ZBTB20: variants seen among roughly 807,000 people sequenced by gnomAD.
The protein encoded by ZBTB20 is zinc finger and BTB domain-containing protein 20.
ZBTB20 carries 9 observed loss-of-function variants against 56.9 expected under a neutral mutation model. That is an observed-to-expected ratio of 0.16 (90% CI 0.10 to 0.28). The LOEUF is 0.28. Ranked by LOEUF, ZBTB20 falls within the 10% of genes least tolerant of loss-of-function variation. ZBTB20 has a pLI of 1.00. For missense variants in ZBTB20, 655 were observed against 1,003.0 expected (o/e 0.65, Z 4.69); for synonymous variants, 417 against 420.7 (o/e 0.99, Z 0.11).
intron 6 of ZBTB20, among the ~76,000 whole-genome samples, chr3:114,643,873 A>G (rs2059692054): frequency 6.6e-6 from 1 of 152,004 alleles, no homozygotes; most frequent in African/African-American, 2.4e-5. Context: ...TTTTGCCCGT[A>G]CCTCTCCTTG....
At position 115,140,698 on chromosome 3, in the gene ZBTB20, A is replaced by C. The variant is rs72947710; in HGVS notation, c.-703+6521T>G. 5.9e-3 allele frequency among the ~76,000 whole-genome samples: 895 copies of C among 152,282 alleles called. 12 individuals carry two copies. The highest frequency in any genetic ancestry group is 0.021 in the African/African-American group (866 of 41,576). ...ATTTCTGATAATTTATAAAGCAGTG[A>C]AATACAAATACATTTCTAGAAACTT... On this transcript the variant is annotated intron_variant, in intron 1 of 11. Coordinates refer to ENST00000675478, the MANE Select transcript of ZBTB20 (RefSeq NM_001348800.3).
intron 2 of ZBTB20, among the ~76,000 whole-genome samples, chr3:115,057,911 T>C (rs1209980979): frequency 1.3e-5 from 2 of 152,128 alleles, no homozygotes; most frequent in Admixed American, 1.3e-4. Flanking sequence ...TTTAATTGAC[T>C]CACAGTTCAG....
chr3:115,089,337 A>C (rs1365226981), intron 1 of ZBTB20, among the ~76,000 whole-genome samples: 1 of 151,848 alleles, frequency 6.6e-6, no homozygotes, highest in East Asian at 1.9e-4. Flanking sequence ...ACTTCATAGC[A>C]AAGGCATGGT....
At chr3:114,425,870 A>T (rs1217078844) in intron 7 of ZBTB20, among the ~76,000 whole-genome samples, 1 of 152,230 alleles carries the variant, frequency 6.6e-6, no homozygotes, top group African/African-American at 2.4e-5. Flanking sequence ...CCACAGTCTA[A>T]TATATCCAAT....
At chr3:114,477,157 A>C (rs2040873539) in intron 7 of ZBTB20, among the ~76,000 whole-genome samples, 1 of 152,222 alleles carries the variant, frequency 6.6e-6, no homozygotes, top group Non-Finnish European at 1.5e-5. Flanking sequence ...TGAAAAACAT[A>C]CCTGAAATAA....
At chr3:114,482,002 G>A (rs2041605562) in intron 7 of ZBTB20, among the ~76,000 whole-genome samples, 1 of 152,230 alleles carries the variant, frequency 6.6e-6, no homozygotes. Flanking sequence ...GTCAGCCACT[G>A]TTGTAGAGCA....
At chr3:114,747,059 C>T (rs1016065819) in intron 5 of ZBTB20, among the ~76,000 whole-genome samples, 1 of 152,156 alleles carries the variant, frequency 6.6e-6, no homozygotes, top group Non-Finnish European at 1.5e-5. Flanking sequence ...ATATGTTTTA[C>T]TACCTAGGTA....
chr3:115,076,649 C>T (rs760380996), intron 1 of ZBTB20, among the ~76,000 whole-genome samples: 2 of 152,150 alleles, frequency 1.3e-5, no homozygotes, highest in Non-Finnish European at 2.9e-5. Context: ...AATTTCATGG[C>T]TGTAACATCA....
rs374875844 is a variant in ZBTB20 at position 114,351,265 on chromosome 3, C to T, written c.813G>A (p.Glu271=). ...GGTCGCGGGGCAGGCCGAGCGCAGTCTCGTGGTGGCTGACCACTGCGCCGC... is the reference window on the plus strand; with the variant it reads ...GGTCGCGGGGCAGGCCGAGCGCAGTTTCGTGGTGGCTGACCACTGCGCCGC... ...FYSGAVVSHH[E]TALGLPRDHH... Residue 271 remains glutamate (E), a synonymous_variant, in exon 11 of 12, where the codon GAG becomes GAA. Coordinates refer to ENST00000675478, the MANE Select transcript of ZBTB20 (RefSeq NM_001348800.3). 8.1e-6 allele frequency: 13 copies of T among 1,601,932 alleles called. No homozygotes were observed. The African/African-American group carries it at 1.5e-4, about 18-fold the overall frequency.
intron 4 of ZBTB20, among the ~76,000 whole-genome samples, chr3:114,846,235 G>C (rs2074698400): frequency 6.6e-6 from 1 of 152,224 alleles, no homozygotes; most frequent in South Asian, 2.1e-4. Context: ...CGGTCAAGCA[G>C]CTGAGAGAAT....
chr3:114,356,531 T>C (rs558519025), intron 10 of ZBTB20, among the ~76,000 whole-genome samples: 48 of 152,220 alleles, frequency 3.2e-4, no homozygotes, highest in Admixed American at 7.2e-4. Context: ...AAAACCAATA[T>C]AAATTTCGGT....
chr3:114,851,283 T>C (rs2074987440), intron 4 of ZBTB20, among the ~76,000 whole-genome samples: 1 of 152,328 alleles, frequency 6.6e-6, no homozygotes, highest in East Asian at 1.9e-4. Context: ...CTTTACAAAG[T>C]TGACTGATTT....
Position 114,975,552 on chromosome 3 carries a change from A to G in ZBTB20, c.-506-1136T>C, listed in dbSNP as rs142351941. 1.9e-3 allele frequency among the ~76,000 whole-genome samples: 290 copies of G among 152,254 alleles called. 1 individual carries two copies. Among genetic ancestry groups the G allele is most frequent in the Middle Eastern group, 0.014 (4 of 294 alleles). On this transcript the variant is annotated intron_variant, in intron 2 of 11. Coordinates refer to ENST00000675478, the MANE Select transcript of ZBTB20 (RefSeq NM_001348800.3). Reference sequence around the variant, plus strand: ...AACAAACCTAAGGATTGGTTGCACTAATAGACAAATAGGGTCCAGAAAAGG... The same window carrying G: ...AACAAACCTAAGGATTGGTTGCACTGATAGACAAATAGGGTCCAGAAAAGG...
intron 6 of ZBTB20, among the ~76,000 whole-genome samples, chr3:114,595,507 C>G (rs977363286): frequency 1.3e-5 from 2 of 152,138 alleles, no homozygotes; most frequent in Non-Finnish European, 2.9e-5. Context: ...ATGTTAGAGA[C>G]CTGAATTGAA....
At chr3:114,340,798 C>T (rs1052374256) in intron 11 of ZBTB20, among the ~76,000 whole-genome samples, 1 of 152,172 alleles carries the variant, frequency 6.6e-6, no homozygotes, top group African/African-American at 2.4e-5. Flanking sequence ...GATAATATTT[C>T]AACATTTGGA....
At chr3:114,557,118 C>T (rs1389835239) in intron 6 of ZBTB20, among the ~76,000 whole-genome samples, 2 of 151,944 alleles carry the variant, frequency 1.3e-5, no homozygotes, top group Admixed American at 1.3e-4. Flanking sequence ...GATTAACAAC[C>T]AGTTTTATTA....
rs1407097981 is a variant in ZBTB20 at position 114,317,380 on chromosome 3, A to AC, written c.*21624dup. The AC allele has an allele frequency of 2.0e-5, 3 of 151,018 alleles. No individual in the cohort carries two copies. The highest frequency in any genetic ancestry group is 3.9e-4 in the East Asian group (2 of 5,128). The allele number at this position is 151,018 out of a possible 1,614,324, so 9.4% of individuals were successfully genotyped here. A position where few individuals can be genotyped will look rare whatever the true frequency, so the allele number is the denominator to read the frequency against. ...TCTAAACACACCCACACCACCCCCA[A>AC]CCCCCCATGCCCACCCCACACCAAA... On this transcript the variant is annotated 3_prime_UTR_variant, in exon 12 of 12. Coordinates refer to ENST00000675478, the MANE Select transcript of ZBTB20 (RefSeq NM_001348800.3).
intron 2 of ZBTB20, among the ~76,000 whole-genome samples, chr3:115,056,667 T>C (rs2081799833): frequency 6.6e-6 from 1 of 152,290 alleles, no homozygotes; most frequent in African/African-American, 2.4e-5. Flanking sequence ...CGTGAGGGTA[T>C]GTGGATAGCA....
At chr3:114,516,849 A>G (rs139921471) in intron 6 of ZBTB20, among the ~76,000 whole-genome samples, 2 of 152,202 alleles carry the variant, frequency 1.3e-5, no homozygotes, top group Admixed American at 1.3e-4. Context: ...TCACAGCCTT[A>G]GAAGGAGCCG....
Sources: gnomAD v4.1 joint callset for allele counts (sites outside exome capture counted in the v4.1 genomes callset) on GRCh38, gnomAD v4.1.1 for gene constraint, MANE v1.5 for transcripts, NCBI Gene and HGNC (gene_info 2026-07-23, HGNC 2026-07-21) for gene names.